Variants in SOX5 observed in about 807,000 individuals in gnomAD.
SOX5 encodes the protein SRY-box transcription factor 5.
In SOX5, 9 loss-of-function variants were observed where a neutral mutation model predicts 92.0. The observed-to-expected ratio is 0.10, with a 90% CI of 0.06 to 0.17. The LOEUF is 0.17. SOX5 is among the 10% of genes least tolerant of loss of function. SOX5 has a pLI of 1.00. For missense variants in SOX5, 642 were observed against 944.5 expected, an observed-to-expected ratio of 0.68 and a Z score of 4.20; for synonymous variants, 344 against 336.3, an observed-to-expected ratio of 1.02 and a Z score of -0.25.
intron 2 of SOX5, among the ~76,000 whole-genome samples, chr12:23,865,466 G>T (rs2096800541): frequency 1.3e-5 from 2 of 152,142 alleles, no homozygotes; most frequent in African/African-American, 4.8e-5. Context: ...ACGAGGTCCA[G>T]AGATCAAGAC....
In SOX5 at chr12:23,737,764, T is replaced by C. The variant is rs77113865; in HGVS notation, c.742-3012A>G. On this transcript the variant is annotated intron_variant, in intron 5 of 14. Coordinates refer to ENST00000451604, the MANE Select transcript of SOX5 (RefSeq NM_006940.6). ...CAAGGATGCTCCTGCCTCCCAAGGA[T>C]ATTCCTGCTTCTGGGCCTTTGCACT... Among the ~76,000 whole-genome samples the C allele has an allele frequency of 7.1e-3, 1,084 of 152,208 alleles. 9 individuals are homozygous for C. Among genetic ancestry groups the C allele is most frequent in the African/African-American group, 0.025 (1,029 of 41,528 alleles).
chr12:23,658,795 G>C (rs1194497762), intron 7 of SOX5, among the ~76,000 whole-genome samples: 2 of 152,032 alleles, frequency 1.3e-5, no homozygotes, highest in African/African-American at 4.8e-5. Context: ...CAGGAGGCTG[G>C]GGCAGGAGAA....
At chr12:23,912,473 T>C (rs1212827151) in intron 1 of SOX5, among the ~76,000 whole-genome samples, 1 of 152,166 alleles carries the variant, frequency 6.6e-6, no homozygotes, top group Non-Finnish European at 1.5e-5. Flanking sequence ...GACCTAGCAA[T>C]TCCCCTCCTT....
At chr12:24,277,307 G>A (rs1944544945) in exon 3 of SOX5, 1 of 151,286 alleles carries the variant, frequency 6.6e-6, no homozygotes. Context: ...ATCAGCAAGA[G>A]GAAAGCTGGA....
chr12:23,823,030 C>G (rs987860221), intron 3 of SOX5, among the ~76,000 whole-genome samples: 1 of 152,132 alleles, frequency 6.6e-6, no homozygotes, highest in Non-Finnish European at 1.5e-5. Context: ...AGGTGGGTCT[C>G]CTGAATACAG....
chr12:24,306,949 A>G (rs1948636662), intron 2 of SOX5, among the ~76,000 whole-genome samples: 1 of 152,120 alleles, frequency 6.6e-6, no homozygotes, highest in Non-Finnish European at 1.5e-5. Context: ...CCTTCTGCCA[A>G]GGACCAATGC....
chr12:24,339,163 C>CTCCCACACA (rs1952273837), intron 2 of SOX5, among the ~76,000 whole-genome samples: 1 of 140,382 alleles, frequency 7.1e-6, no homozygotes. Flanking sequence ...TCTCTCTCTG[C>CTCCCACACA]CACACACACA....
intron 2 of SOX5, among the ~76,000 whole-genome samples, chr12:23,881,382 T>G (rs1442450853): frequency 6.6e-6 from 1 of 152,186 alleles, no homozygotes; most frequent in Non-Finnish European, 1.5e-5. Context: ...TGCTTCATCA[T>G]GCACAGGTAG....
intron 4 of SOX5, among the ~76,000 whole-genome samples, chr12:23,997,062 G>A (rs373498851): frequency 2.6e-5 from 4 of 152,100 alleles, no homozygotes; most frequent in East Asian, 3.9e-4. Flanking sequence ...CAAAGACAAA[G>A]CTGCAAAAAC....
chr12:23,797,081 T>C (rs4641571), intron 3 of SOX5, among the ~76,000 whole-genome samples: 1 of 151,228 alleles, frequency 6.6e-6, no homozygotes, highest in African/African-American at 2.4e-5. Context: ...AGCTTCAAAG[T>C]AGCCTTAATT....
At chr12:23,661,213 T>G (rs187178346) in intron 7 of SOX5, among the ~76,000 whole-genome samples, 2 of 152,208 alleles carry the variant, frequency 1.3e-5, no homozygotes. Flanking sequence ...CTGTTACAAT[T>G]TGTAAACCAT....
intron 2 of SOX5, among the ~76,000 whole-genome samples, chr12:23,863,341 TATG>T (rs569346059): frequency 9.2e-4 from 140 of 152,330 alleles, no homozygotes; most frequent in African/African-American, 3.2e-3. Flanking sequence ...ACAATCACTA[TATG>T]ATATTTTAGA....
At chr12:24,423,345 G>A (rs900596675) in intron 1 of SOX5, among the ~76,000 whole-genome samples, 2 of 152,152 alleles carry the variant, frequency 1.3e-5, no homozygotes, top group Non-Finnish European at 1.5e-5. Context: ...GGAACCAAAA[G>A]TACTTAGTAA....
intron 1 of SOX5, among the ~76,000 whole-genome samples, chr12:24,405,037 C>G (rs890202877): frequency 1.3e-5 from 2 of 152,140 alleles, no homozygotes; most frequent in Admixed American, 6.5e-5. Context: ...AGAACAGATT[C>G]TTCGCCTGCA....
chr12:24,104,271 A>G (rs1345199304), intron 4 of SOX5, among the ~76,000 whole-genome samples: 1 of 152,202 alleles, frequency 6.6e-6, no homozygotes, highest in East Asian at 1.9e-4. Context: ...TCCATATCAA[A>G]ATGACTAATA....
chr12:24,224,064 C>T (rs754556685), intron 3 of SOX5, among the ~76,000 whole-genome samples: 5 of 152,172 alleles, frequency 3.3e-5, no homozygotes, highest in Admixed American at 6.5e-5. Flanking sequence ...CCACTGGCTT[C>T]GCATTGTTGT....
chr12:23,828,894 C>G lies in SOX5; in HGVS notation c.481+17089G>C, dbSNP rs368512361. On this transcript the variant is annotated intron_variant, in intron 3 of 14. Coordinates refer to ENST00000451604, the MANE Select transcript of SOX5 (RefSeq NM_006940.6). ...AACATGTAAGATGGGCTATCTTAATCATCCAAAATGCCCAGGTCATATGCT... is the reference window on the plus strand; with the variant it reads ...AACATGTAAGATGGGCTATCTTAATGATCCAAAATGCCCAGGTCATATGCT... Among the ~76,000 whole-genome samples the G allele has an allele frequency of 5.9e-5, 9 of 152,178 alleles. No homozygotes were observed. The South Asian group carries it at 1.7e-3, about 28-fold the overall frequency.
chr12:24,010,480 G>T (rs528837997), intron 4 of SOX5, among the ~76,000 whole-genome samples: 27 of 152,300 alleles, frequency 1.8e-4, no homozygotes, highest in African/African-American at 6.0e-4. Flanking sequence ...GAAATAGGAG[G>T]TAGCAGTTGC....
chr12:24,475,288 T>C (rs1214451711), intron 1 of SOX5, among the ~76,000 whole-genome samples: 3 of 152,188 alleles, frequency 2.0e-5, no homozygotes, highest in Non-Finnish European at 4.4e-5. Flanking sequence ...ACCATTTCTA[T>C]GAGTATATCA....
Sources: allele counts gnomAD v4.1 joint callset (sites outside exome capture counted in the v4.1 genomes callset), GRCh38; gene constraint gnomAD v4.1.1; transcripts MANE v1.5; gene names NCBI Gene and HGNC (gene_info 2026-07-23, HGNC 2026-07-21).